SPATA7: variants seen among roughly 807,000 people sequenced by gnomAD.
The protein encoded by SPATA7 is spermatogenesis-associated protein 7.
A neutral mutation model predicts 51.8 loss-of-function variants in SPATA7; 43 were observed. That is an observed-to-expected ratio of 0.83 (90% CI 0.65 to 1.07). The LOEUF is 1.07. SPATA7 is among the 50% of genes least tolerant of loss of function. The probability of loss-of-function intolerance (pLI) is 0.00; values close to 1 mark genes in which losing one functional copy is unlikely to be tolerated. For missense variants in SPATA7, 683 were observed against 701.3 expected (o/e 0.97, Z 0.30); for synonymous variants, 230 against 252.8 (o/e 0.91, Z 0.86).
At chr14:88,405,078 G>T (rs1764405876) in intron 4 of SPATA7, among the ~76,000 whole-genome samples, 1 of 152,198 alleles carries the variant, frequency 6.6e-6, no homozygotes, top group Non-Finnish European at 1.5e-5. Flanking sequence ...AGACCTGAAA[G>T]AATTAAGGAA....
At chr14:88,432,306 G>A (rs544561775) in intron 9 of SPATA7, among the ~76,000 whole-genome samples, 1 of 152,030 alleles carries the variant, frequency 6.6e-6, no homozygotes, top group East Asian at 1.9e-4. Flanking sequence ...CTGTGAATCA[G>A]TTTGAAAGTG....
chr14:88,434,483 A>G (rs1166511611), intron 10 of SPATA7, among the ~76,000 whole-genome samples: 1 of 152,078 alleles, frequency 6.6e-6, no homozygotes, highest in Non-Finnish European at 1.5e-5. Context: ...TCAGGAGTTC[A>G]ACACCAGCCT....
intron 1 of SPATA7, among the ~76,000 whole-genome samples, chr14:88,389,547 T>C (rs1374120402): frequency 1.3e-5 from 2 of 152,154 alleles, no homozygotes; most frequent in Non-Finnish European, 2.9e-5. Context: ...TATAGGAATA[T>C]TAGAAACCAA....
At chr14:88,399,449 A>G (rs1391134344) in intron 4 of SPATA7, among the ~76,000 whole-genome samples, 1 of 152,198 alleles carries the variant, frequency 6.6e-6, no homozygotes, top group South Asian at 2.1e-4. Context: ...CTTAGTACAT[A>G]TTTTTAAAGA....
chr14:88,452,208 C>T (rs1202131656), intron 3 of SPATA7, among the ~76,000 whole-genome samples: 1 of 152,152 alleles, frequency 6.6e-6, no homozygotes, highest in Non-Finnish European at 1.5e-5. Context: ...TCTAGTCACC[C>T]AGCAGGGCTA....
intron 3 of SPATA7, among the ~76,000 whole-genome samples, chr14:88,448,841 T>C (rs1462187826): frequency 6.6e-6 from 1 of 152,126 alleles, no homozygotes; most frequent in African/African-American, 2.4e-5. Context: ...AGTCTGCCCG[T>C]TCTCAGATCT....
At chr14:88,435,871 C>G (rs2077073130) in intron 10 of SPATA7, among the ~76,000 whole-genome samples, 2 of 152,244 alleles carry the variant, frequency 1.3e-5, no homozygotes, top group African/African-American at 4.8e-5. Flanking sequence ...CTGTCATAAA[C>G]AGTGCTACGA....
At chr14:88,412,951 T>C (rs2076382457) in intron 4 of SPATA7, among the ~76,000 whole-genome samples, 1 of 152,202 alleles carries the variant, frequency 6.6e-6, no homozygotes, top group Non-Finnish European at 1.5e-5. Flanking sequence ...CATTTAAATC[T>C]TTAATCCATC....
At chr14:88,447,385 C>T (rs1189866137) in intron 3 of SPATA7, among the ~76,000 whole-genome samples, 9 of 150,640 alleles carry the variant, frequency 6.0e-5, no homozygotes, top group African/African-American at 9.8e-5. Flanking sequence ...TGTCTCTGCA[C>T]GTGAGATGGG....
chr14:88,468,051 C>CA, intron 4 of SPATA7: 1 of 1,507,706 alleles, frequency 6.6e-7, no homozygotes, highest in Non-Finnish European at 9.2e-7. Context: ...GATCAAGTGT[C>CA]AACGGGAAAG....
At chr14:88,447,032 GT>G (rs1372241921) in intron 3 of SPATA7, among the ~76,000 whole-genome samples, 2 of 151,944 alleles carry the variant, frequency 1.3e-5, no homozygotes, top group African/African-American at 4.8e-5. Context: ...CAATTCCTGG[GT>G]ATCCTTGTTG....
intron 4 of SPATA7, chr14:88,415,063 C>T: frequency 5.8e-6 from 1 of 172,438 alleles, no homozygotes; most frequent in Admixed American, 6.0e-5. Context: ...CTGTAGATGT[C>T]TATTAGGTCC....
intron 4 of SPATA7, 199 bp from the exon 5 acceptor site, chr14:88,416,512 A>C: frequency 2.3e-6 from 1 of 425,876 alleles, no homozygotes; most frequent in Non-Finnish European, 4.2e-6. Flanking sequence ...TAAATGTGTT[A>C]GTTAATATCT....
At position 88,402,959 on chromosome 14, in the gene SPATA7, CAAAAA is replaced by C. The variant is rs56330042; in HGVS notation, c.238+6776_238+6780del. ...GTAAGTAATAAGTACAACTCAATAGCAAAAAAAAAAAAAAAAAAAAAAAACCCAAA... is the reference window on the plus strand; with the variant it reads ...GTAAGTAATAAGTACAACTCAATAGCAAAAAAAAAAAAAAAAAAACCCAAA... On this transcript the variant is annotated intron_variant, in intron 4 of 11. Coordinates refer to ENST00000393545, the MANE Select transcript of SPATA7 (RefSeq NM_018418.5). Among the ~76,000 whole-genome samples the C allele has an allele frequency of 3.4e-4, 21 of 62,030 alleles. No individual in the cohort carries two copies. The South Asian group carries it at 3.6e-3, about 11-fold the overall frequency. The allele number at this position is 62,030 out of a possible 152,430, so 40.7% of individuals were successfully genotyped here.
intron 4 of SPATA7, among the ~76,000 whole-genome samples, chr14:88,407,532 A>G (rs1159742887): frequency 6.6e-6 from 1 of 152,200 alleles, no homozygotes; most frequent in African/African-American, 2.4e-5. Flanking sequence ...GATAGATTGC[A>G]AAATTTTTCT....
chr14:88,437,439 GA>G, intron 10 of SPATA7, 103 bp from the exon 11 acceptor site: 1 of 850,010 alleles, frequency 1.2e-6, no homozygotes, highest in Non-Finnish European at 1.9e-6. Flanking sequence ...AGAAAAATCT[GA>G]AAAACATTTT....
Position 88,427,704 on chromosome 14 carries a change from G to A in SPATA7, c.912+8G>A, listed in dbSNP as rs766569562. The A allele has an allele frequency of 1.5e-5, 24 of 1,595,674 alleles. No homozygotes were observed. The Middle Eastern group carries it at 6.6e-4, about 44-fold the overall frequency. Reference sequence around the variant, plus strand: ...GAAATGAACATAAAGCAGGTAATAAGTATGAAATCTTTTGGTATTGCTACA... The same window carrying A: ...GAAATGAACATAAAGCAGGTAATAAATATGAAATCTTTTGGTATTGCTACA... On this transcript the variant is annotated splice_region_variant and intron_variant, in intron 7 of 11. Coordinates refer to ENST00000393545, the MANE Select transcript of SPATA7 (RefSeq NM_018418.5).
chr14:88,468,906 G>A lies in SPATA7; in HGVS notation c.255-941G>A. On this transcript the variant is annotated intron_variant, in intron 4 of 4. Transcript: ENST00000556406. ...ACCCAAAAAGGCCAGGTGATCATAAGCGCCATCACCTCATTGTGTTCCAGG... is the reference window on the plus strand; with the variant it reads ...ACCCAAAAAGGCCAGGTGATCATAAACGCCATCACCTCATTGTGTTCCAGG... 3 of 1,613,928 alleles carry A rather than the reference G, an allele frequency of 1.9e-6. 1 individual carries two copies. The highest frequency in any genetic ancestry group is 3.3e-4 in the Middle Eastern group (2 of 6,020).
At position 88,469,589 on chromosome 14, in the gene SPATA7, G is replaced by C. The variant is rs2077424283; in HGVS notation, c.255-258G>C. On this transcript the variant is annotated intron_variant, in intron 4 of 4. Transcript: ENST00000556406. The surrounding 1 kb of genome is among the most constrained non-coding windows in gnomAD (Gnocchi z 4.3). ...ACGGTCCTCTCTTGCCCAGTAAGGAGGTGCTTCATCTTCAGGCCTGTGGTG... is the reference window on the plus strand; with the variant it reads ...ACGGTCCTCTCTTGCCCAGTAAGGACGTGCTTCATCTTCAGGCCTGTGGTG... 1.2e-6 allele frequency: 2 copies of C among 1,614,162 alleles called. No individual in the cohort carries two copies. The highest frequency in any genetic ancestry group is 2.2e-5 in the East Asian group (1 of 44,876).
Sources: allele counts gnomAD v4.1 joint callset (sites outside exome capture counted in the v4.1 genomes callset), GRCh38; gene constraint gnomAD v4.1.1; non-coding constraint Gnocchi (gnomAD v3.1); transcripts MANE v1.5; gene names NCBI Gene and HGNC (gene_info 2026-07-23, HGNC 2026-07-21).